Variants in SYT1 observed in about 807,000 individuals in gnomAD.
SYT1 encodes synaptotagmin-1.
In SYT1, 8 loss-of-function variants were observed where a neutral mutation model predicts 44.8. The observed-to-expected ratio is 0.18, with a 90% CI of 0.10 to 0.32. The LOEUF (loss-of-function observed/expected upper bound fraction) is 0.32. Among genes scored for constraint, SYT1 ranks in the 10% least tolerant of loss-of-function variants. SYT1 has a pLI of 1.00. For synonymous variants in SYT1, 154 were observed against 188.8 expected (o/e 0.82, Z 1.51); for missense variants, 286 against 509.3 (o/e 0.56, Z 4.22).
chr12:79,002,771 G>C (rs111947233), intron 2 of SYT1, among the ~76,000 whole-genome samples: 1 of 151,964 alleles, frequency 6.6e-6, no homozygotes, highest in Admixed American at 6.6e-5. Context: ...AAGGAGATGA[G>C]GAGGTAAAAT....
At chr12:79,276,917 A>G (rs977861176) in intron 4 of SYT1, among the ~76,000 whole-genome samples, 2 of 151,636 alleles carry the variant, frequency 1.3e-5, no homozygotes, top group East Asian at 1.9e-4. Flanking sequence ...AAGAAGAAGG[A>G]AAAATGATGA....
rs1003263604 is a variant in SYT1 at position 79,433,233 on chromosome 12, A to G, written c.929-10840A>G. Reference sequence around the variant, plus strand: ...AGTAAAATTGATTCTGGCCAAACCAATTGTAGAACTGAGTGAGCCTGAGTA... The same window carrying G: ...AGTAAAATTGATTCTGGCCAAACCAGTTGTAGAACTGAGTGAGCCTGAGTA... On this transcript the variant is annotated intron_variant, in intron 9 of 10. Transcript: ENST00000261205. Among the ~76,000 whole-genome samples the G allele has an allele frequency of 7.2e-5, 11 of 152,206 alleles. 1 individual carries two copies. The highest frequency in any genetic ancestry group is 2.6e-4 in the Admixed American group (4 of 15,286).
intron 3 of SYT1, among the ~76,000 whole-genome samples, chr12:79,141,662 ATTAT>A (rs1348663714): frequency 6.6e-6 from 1 of 152,228 alleles, no homozygotes; most frequent in African/African-American, 2.4e-5. Context: ...ATTAGCAATG[ATTAT>A]TTAGACATGA....
At chr12:79,406,276 T>C (rs1885240903) in intron 9 of SYT1, among the ~76,000 whole-genome samples, 1 of 152,160 alleles carries the variant, frequency 6.6e-6, no homozygotes, top group East Asian at 1.9e-4. Context: ...TGTCTGTAGC[T>C]GCAGGTTAAG....
chr12:78,977,410 T>C (rs1362075053), intron 1 of SYT1: 1 of 152,158 alleles, frequency 6.6e-6, no homozygotes, highest in South Asian at 2.1e-4. Context: ...CATAGAGTCT[T>C]GTTAGCAAAA....
rs768295071 is a variant in SYT1 at position 79,360,194 on chromosome 12, A to AT, written c.928+6588dup. On this transcript the variant is annotated intron_variant, in intron 9 of 10. Coordinates refer to ENST00000261205, the MANE Select transcript of SYT1 (RefSeq NM_005639.3). ...TAGGTCAGCCAAGTTCCAAGTTAGA[A>AT]TTTTTTTTTTTTTGGGTCAGTAACA... is the stretch of plus-strand genomic sequence containing the variant. Among the ~76,000 whole-genome samples the AT allele has an allele frequency of 2.0e-3, 295 of 146,428 alleles. 1 individual carries two copies. The highest frequency in any genetic ancestry group is 7.1e-3 in the Middle Eastern group (2 of 282).
Position 79,220,538 on chromosome 12 carries a change from T to C in SYT1, c.166+2853T>C, listed in dbSNP as rs147680782. On this transcript the variant is annotated intron_variant, in intron 4 of 10. Coordinates refer to ENST00000261205, the MANE Select transcript of SYT1 (RefSeq NM_005639.3). ...TAAGATTTTTCTTCCTTTGATGGAA[T>C]AGACATTTATTTCTATAAAATTCCC... is the stretch of plus-strand genomic sequence containing the variant. Among the ~76,000 whole-genome samples, 931 of 152,194 alleles carry C rather than the reference T, an allele frequency of 6.1e-3. 5 individuals carry two copies. Among genetic ancestry groups the C allele is most frequent in the African/African-American group, 0.021 (882 of 41,576 alleles).
intron 3 of SYT1, among the ~76,000 whole-genome samples, chr12:79,052,755 A>C (rs1442812478): frequency 1.3e-5 from 2 of 152,212 alleles, no homozygotes; most frequent in East Asian, 1.9e-4. Flanking sequence ...CACATGAAAA[A>C]ATGCTCATCA....
chr12:79,215,899 A>T (rs181830948), intron 3 of SYT1, among the ~76,000 whole-genome samples: 2 of 148,122 alleles, frequency 1.4e-5, no homozygotes, highest in East Asian at 3.9e-4. Context: ...ACCAACTCAC[A>T]AATCGTTTGC....
chr12:79,300,939 A>G (rs1370462197), intron 8 of SYT1, among the ~76,000 whole-genome samples: 1 of 150,920 alleles, frequency 6.6e-6, no homozygotes, highest in Non-Finnish European at 1.5e-5. Context: ...TTAAAATTAT[A>G]TGATTTTATG....
chr12:78,906,899 C>T (rs1041309805), intron 1 of SYT1, among the ~76,000 whole-genome samples: 12 of 152,060 alleles, frequency 7.9e-5, no homozygotes, highest in African/African-American at 2.9e-4. Context: ...CTTGTGCATA[C>T]AAAGAAAATT....
At chr12:79,275,664 C>T (rs564922306) in intron 4 of SYT1, among the ~76,000 whole-genome samples, 37 of 152,318 alleles carry the variant, frequency 2.4e-4, no homozygotes, top group African/African-American at 8.9e-4. Context: ...GCTCCTCCAG[C>T]CGCCTCTATC....
chr12:79,110,769 G>T (rs867253990), intron 3 of SYT1, among the ~76,000 whole-genome samples: 1 of 152,136 alleles, frequency 6.6e-6, no homozygotes, highest in Admixed American at 6.5e-5. Flanking sequence ...AAGATGTACC[G>T]ATGATTGGTT....
chr12:79,432,785 T>C (rs538398590), intron 9 of SYT1, among the ~76,000 whole-genome samples: 2 of 152,200 alleles, frequency 1.3e-5, no homozygotes, highest in East Asian at 3.9e-4. Context: ...GGCTAATTTT[T>C]GTATTCTTAG....
intron 1 of SYT1, among the ~76,000 whole-genome samples, chr12:78,974,057 A>C (rs997398493): frequency 7.0e-6 from 1 of 143,610 alleles, no homozygotes; most frequent in Non-Finnish European, 1.5e-5. Context: ...CATTGGGTGA[A>C]CATCATAGAG....
At chr12:79,324,141 G>A (rs772234390) in intron 8 of SYT1, among the ~76,000 whole-genome samples, 5 of 151,740 alleles carry the variant, frequency 3.3e-5, no homozygotes, top group Non-Finnish European at 5.9e-5. Flanking sequence ...TAGTAGAAAC[G>A]GGGTTTCACC....
intron 1 of SYT1, among the ~76,000 whole-genome samples, chr12:78,956,089 A>G (rs1161920624): frequency 6.6e-6 from 1 of 152,056 alleles, no homozygotes; most frequent in African/African-American, 2.4e-5. Flanking sequence ...TTACTTCTCT[A>G]TTGAACACAG....
At chr12:78,928,639 AG>A (rs1472828054) in intron 1 of SYT1, among the ~76,000 whole-genome samples, 2 of 152,138 alleles carry the variant, frequency 1.3e-5, no homozygotes, top group Non-Finnish European at 2.9e-5. Flanking sequence ...TATCACAGAC[AG>A]TCAATCCATC....
At chr12:79,081,945 C>G (rs1422408180) in intron 3 of SYT1, among the ~76,000 whole-genome samples, 1 of 151,938 alleles carries the variant, frequency 6.6e-6, no homozygotes, top group African/African-American at 2.4e-5. Context: ...ATTTTCAAAC[C>G]TGAAATAAAT....
Sources: allele counts gnomAD v4.1 joint callset (sites outside exome capture counted in the v4.1 genomes callset), GRCh38; gene constraint gnomAD v4.1.1; transcripts MANE v1.5; gene names NCBI Gene and HGNC (gene_info 2026-07-23, HGNC 2026-07-21).